PSMD12: variants seen among roughly 807,000 people sequenced by gnomAD.
The protein encoded by PSMD12 is proteasome 26S subunit, non-ATPase 12, also known as 26S proteasome non-ATPase regulatory subunit 12.
Under a neutral mutation model 62.9 loss-of-function variants are expected in PSMD12, and 8 were observed. That is an observed-to-expected ratio of 0.13 (90% CI 0.07 to 0.23). The LOEUF is 0.23. Ranked by LOEUF, PSMD12 falls within the 10% of genes least tolerant of loss-of-function variation. PSMD12 has a pLI of 1.00. For synonymous variants in PSMD12, 173 were observed against 187.4 expected, an observed-to-expected ratio of 0.92 and a Z score of 0.63; for missense variants, 424 against 550.2, an observed-to-expected ratio of 0.77 and a Z score of 2.29.
intron 1 of PSMD12, among the ~76,000 whole-genome samples, chr17:67,358,972 C>A (rs951305385): frequency 9.9e-5 from 15 of 152,250 alleles, no homozygotes; most frequent in African/African-American, 2.9e-4. Flanking sequence ...ATAATATAAA[C>A]ATAAATGATA....
chr17:67,362,518 C>T (rs2042140700), intron 1 of PSMD12, among the ~76,000 whole-genome samples: 1 of 151,910 alleles, frequency 6.6e-6, no homozygotes, highest in Non-Finnish European at 1.5e-5. Context: ...ACTAAAAATA[C>T]AGGCATGGTA....
At chr17:67,343,697 G>A (rs375430343) in intron 9 of PSMD12, among the ~76,000 whole-genome samples, 1 of 152,070 alleles carries the variant, frequency 6.6e-6, no homozygotes, top group African/African-American at 2.4e-5. Flanking sequence ...TAAAGGTAGA[G>A]TAATGGGTAA....
At chr17:67,345,469 C>A (rs2041955909) in intron 8 of PSMD12, 1 of 319,552 alleles carries the variant, frequency 3.1e-6, no homozygotes, top group Admixed American at 4.1e-5. Context: ...TGGTGAAACC[C>A]TGTCTCTACT....
At chr17:67,347,031 T>C (rs181184407) in intron 7 of PSMD12, 85 bp downstream of exon 7, 7 of 1,353,446 alleles carry the variant, frequency 5.2e-6, no homozygotes, top group Non-Finnish European at 4.0e-6. Flanking sequence ...CATCTAACTA[T>C]TGCAGTTAAA....
At chr17:67,347,010 C>T in intron 7 of PSMD12, 106 bp downstream of exon 7, 2 of 1,203,518 alleles carry the variant, frequency 1.7e-6, no homozygotes, top group Non-Finnish European at 2.3e-6. Context: ...GAAAGCAGCA[C>T]CATACAATTG....
chr17:67,349,898 A>G (rs2042001735), intron 4 of PSMD12, among the ~76,000 whole-genome samples: 1 of 152,160 alleles, frequency 6.6e-6, no homozygotes, highest in Non-Finnish European at 1.5e-5. Flanking sequence ...TTATCTTTGA[A>G]TATTATTTCC....
chr17:67,362,527 T>C (rs1350340300), intron 1 of PSMD12, among the ~76,000 whole-genome samples: 1 of 151,316 alleles, frequency 6.6e-6, no homozygotes, highest in East Asian at 1.9e-4. Context: ...ACAGGCATGG[T>C]AGTGCACGCC....
chr17:67,363,357 C>T (rs1259340797), intron 1 of PSMD12, among the ~76,000 whole-genome samples: 1 of 152,160 alleles, frequency 6.6e-6, no homozygotes, highest in East Asian at 1.9e-4. Context: ...TCTCGTTAGG[C>T]TGGCCTCAAA....
At chr17:67,349,393 T>C (rs2041998170) in intron 4 of PSMD12, among the ~76,000 whole-genome samples, 1 of 152,230 alleles carries the variant, frequency 6.6e-6, no homozygotes, top group African/African-American at 2.4e-5. Flanking sequence ...CATGTACAAA[T>C]ACAGCTGTGA....
chr17:67,340,753 C>T lies in PSMD12; in HGVS notation c.*90G>A. 1 of 1,022,848 alleles carries T rather than the reference C, an allele frequency of 9.8e-7. No individual in the cohort carries two copies. Among genetic ancestry groups the T allele is most frequent in the East Asian group, 3.1e-5 (1 of 32,200 alleles). 63.4% of individuals were successfully genotyped at this position (1,022,848 alleles called of 1,614,324 possible). On this transcript the variant is annotated 3_prime_UTR_variant, in exon 11 of 11. Coordinates refer to ENST00000356126, the MANE Select transcript of PSMD12 (RefSeq NM_002816.5). Reference sequence around the variant, plus strand: ...TATTTTAAAATTTAAGACAAAGAAGCTTAGAAAAAAAACCCCAACATATAC... The same window carrying T: ...TATTTTAAAATTTAAGACAAAGAAGTTTAGAAAAAAAACCCCAACATATAC...
At chr17:67,359,117 A>G (rs527499576) in intron 1 of PSMD12, among the ~76,000 whole-genome samples, 8 of 152,140 alleles carry the variant, frequency 5.3e-5, no homozygotes, top group African/African-American at 1.7e-4. Flanking sequence ...GCACTTTGGG[A>G]GGCTGAGGTG....
intron 3 of PSMD12, among the ~76,000 whole-genome samples, chr17:67,354,676 G>A (rs536848638): frequency 6.6e-6 from 1 of 152,114 alleles, no homozygotes; most frequent in East Asian, 1.9e-4. Flanking sequence ...CACTGAACTG[G>A]GCACCAAAAG....
chr17:67,366,566 C>G lies in PSMD12; in HGVS notation c.-47G>C, dbSNP rs2042182554. On this transcript the variant is annotated 5_prime_UTR_variant, in exon 1 of 11. Transcript: ENST00000356126. ...TGCTGTCCCCCTGCTTCGGCCACCA[C>G]TCGTCACCCACACCGGAAGTTGCCC... 1 of 1,533,154 alleles carries G rather than the reference C, an allele frequency of 6.5e-7. No individual in the cohort carries two copies. Among genetic ancestry groups the G allele is most frequent in the African/African-American group, 1.4e-5 (1 of 73,518 alleles). The allele number at this position is 1,533,154 out of a possible 1,614,324, so 95.0% of individuals were successfully genotyped here.
chr17:67,341,683 C>G (rs2041916801), intron 10 of PSMD12, among the ~76,000 whole-genome samples: 1 of 152,100 alleles, frequency 6.6e-6, no homozygotes, highest in Admixed American at 6.6e-5. Context: ...CCTTAAAAGG[C>G]AGTATGGTAC....
At chr17:67,348,510 CA>C in intron 5 of PSMD12, 39 bp downstream of exon 5, 1 of 1,525,962 alleles carries the variant, frequency 6.6e-7, no homozygotes, top group Non-Finnish European at 9.1e-7. Context: ...ATGCTGCTGA[CA>C]AAACAAAGTT....
intron 1 of PSMD12, among the ~76,000 whole-genome samples, chr17:67,361,476 G>C (rs1160490833): frequency 1.3e-5 from 2 of 152,100 alleles, no homozygotes; most frequent in Non-Finnish European, 2.9e-5. Context: ...CAACTACTTG[G>C]GAGGCTGAGG....
chr17:67,341,321 T>C (rs1345605807), intron 10 of PSMD12, among the ~76,000 whole-genome samples: 4 of 151,394 alleles, frequency 2.6e-5, no homozygotes. Flanking sequence ...ATACCAAAAT[T>C]AGCCAGGCAT....
At chr17:67,350,878 T>C (rs561378140) in intron 3 of PSMD12, among the ~76,000 whole-genome samples, 2 of 152,278 alleles carry the variant, frequency 1.3e-5, no homozygotes, top group African/African-American at 4.8e-5. Flanking sequence ...AGCAAACATT[T>C]TCTGTAAATT....
At chr17:67,349,013 C>A (rs756047556) in intron 4 of PSMD12, among the ~76,000 whole-genome samples, 6 of 152,122 alleles carry the variant, frequency 3.9e-5, no homozygotes, top group Non-Finnish European at 7.4e-5. Context: ...AAAGGTAGAA[C>A]TGAACTACTT....
Sources: allele counts gnomAD v4.1 joint callset (sites outside exome capture counted in the v4.1 genomes callset), GRCh38; gene constraint gnomAD v4.1.1; transcripts MANE v1.5; gene names NCBI Gene and HGNC (gene_info 2026-07-23, HGNC 2026-07-21).